Variants in SCML2 observed in about 807,000 individuals in gnomAD.
SCML2 encodes sex comb on midleg-like protein 2.
Under a neutral mutation model 48.4 loss-of-function variants are expected in SCML2, and 6 were observed. The observed-to-expected ratio is 0.12, with a 90% CI of 0.07 to 0.24. SCML2 has a LOEUF of 0.24. Ranked by LOEUF, SCML2 falls within the 10% of genes least tolerant of loss-of-function variation. The pLI is 1.00. For synonymous variants in SCML2, 181 were observed against 189.5 expected, an observed-to-expected ratio of 0.95 and a Z score of 0.37; for missense variants, 377 against 528.2, an observed-to-expected ratio of 0.71 and a Z score of 2.81.
Position 18,246,678 on chromosome X carries a change from GA to G in SCML2, c.1720del (p.Ser574LeufsTer12). The G allele has an allele frequency of 8.3e-7, 1 of 1,210,459 alleles. No individual in the cohort carries two copies. Among genetic ancestry groups the G allele is most frequent in the Non-Finnish European group, 1.1e-6 (1 of 894,427 alleles). ...YIHTSVSQDF[S>X]RSVPGTTSSP... is the part of the protein sequence containing the mutation. Reference sequence around the variant, plus strand: ...ACTTGTGGTGCCTGGCACACTTCGAGAAAAATCCTGGGAGACTGAAGTATGA... The same window carrying G: ...ACTTGTGGTGCCTGGCACACTTCGAGAAAATCCTGGGAGACTGAAGTATGA... On this transcript the variant is annotated frameshift_variant, in exon 13 of 15. Transcript: ENST00000251900. LOFTEE classifies it high-confidence loss of function.
chrX:18,352,247 G>A (rs1930399900), intron 1 of SCML2, among the ~76,000 whole-genome samples: 1 of 112,265 alleles, frequency 8.9e-6, no homozygotes, highest in African/African-American at 3.2e-5. Context: ...AAACTACTTA[G>A]TAATAGAAAT....
intron 6 of SCML2, among the ~76,000 whole-genome samples, chrX:18,317,604 G>A (rs1177820248): frequency 1.8e-5 from 2 of 111,020 alleles, no homozygotes; most frequent in African/African-American, 3.3e-5. Context: ...AGGCCGAGGC[G>A]GGCGGATCAC....
chrX:18,318,932 A>G (rs759312676), intron 6 of SCML2, among the ~76,000 whole-genome samples: 1 of 112,183 alleles, frequency 8.9e-6, no homozygotes, highest in South Asian at 3.7e-4. Context: ...ATTTGGACAC[A>G]GGGTCTTCAA....
At chrX:18,346,608 T>C (rs1232849098) in intron 1 of SCML2, among the ~76,000 whole-genome samples, 1 of 112,320 alleles carries the variant, frequency 8.9e-6, no homozygotes, top group Non-Finnish European at 1.9e-5. Flanking sequence ...ATAGCACAGG[T>C]AGAAAGGGTT....
At chrX:18,281,850 G>A (rs181795970) in intron 7 of SCML2, among the ~76,000 whole-genome samples, 33 of 110,422 alleles carry the variant, frequency 3.0e-4, no homozygotes, top group Admixed American at 2.9e-3. Context: ...TAGGCTGGGC[G>A]CTGTGGCTCA....
intron 7 of SCML2, among the ~76,000 whole-genome samples, chrX:18,297,734 T>A (rs1281158038): frequency 9.0e-6 from 1 of 111,338 alleles, no homozygotes; most frequent in Admixed American, 9.5e-5. Flanking sequence ...ACACCTGTAA[T>A]CCCAACACTT....
chrX:18,258,253 G>GA lies in SCML2; in HGVS notation c.1070-7dup, dbSNP rs758394327. 8.4e-7 allele frequency: 1 copy of GA among 1,189,145 alleles called. No homozygotes were observed. The highest frequency in any genetic ancestry group is 1.1e-6 in the Non-Finnish European group (1 of 877,593). Reference sequence around the variant, plus strand: ...TTTGTTTACATAGACACAGACTTGAGAAAAAATGCGTATGCATACATAACA... The same window carrying GA: ...TTTGTTTACATAGACACAGACTTGAGAAAAAAATGCGTATGCATACATAACA... On this transcript the variant is annotated splice_region_variant and splice_polypyrimidine_tract_variant and intron_variant, in intron 9 of 14. Transcript: ENST00000251900.
chrX:18,339,380 A>C (rs1374686064), intron 1 of SCML2, among the ~76,000 whole-genome samples: 2 of 112,062 alleles, frequency 1.8e-5, no homozygotes, highest in Non-Finnish European at 3.8e-5. Context: ...ATTATTCATT[A>C]ATATATTATT....
At chrX:18,251,544 C>T (rs941712595) in intron 11 of SCML2, among the ~76,000 whole-genome samples, 5 of 111,460 alleles carry the variant, frequency 4.5e-5, no homozygotes, top group African/African-American at 1.6e-4. Flanking sequence ...AAAAGATGCT[C>T]ATCATCAACT....
At chrX:18,353,739 C>T (rs1930445086) in intron 1 of SCML2, among the ~76,000 whole-genome samples, 1 of 112,646 alleles carries the variant, frequency 8.9e-6, no homozygotes, top group African/African-American at 3.2e-5. Context: ...AGCCGAATTA[C>T]AAGTCGGCCC....
chrX:18,336,061 T>C (rs1929800965), intron 1 of SCML2, among the ~76,000 whole-genome samples: 1 of 111,743 alleles, frequency 8.9e-6, no homozygotes, highest in African/African-American at 3.3e-5. Context: ...GGCTAGGCAG[T>C]CCGGAAATAG....
chrX:18,353,639 G>A (rs1270382621), intron 1 of SCML2, among the ~76,000 whole-genome samples: 1 of 112,739 alleles, frequency 8.9e-6, no homozygotes, highest in Non-Finnish European at 1.9e-5. Flanking sequence ...CTTGACAAAT[G>A]TTTAACAACC....
intron 7 of SCML2, among the ~76,000 whole-genome samples, chrX:18,291,758 T>C (rs190910989): frequency 4.6e-4 from 51 of 111,641 alleles, no homozygotes; most frequent in African/African-American, 1.6e-3. Flanking sequence ...AAAAAAAGAA[T>C]AGAAACATTC....
chrX:18,330,339 T>C (rs1929614334), intron 3 of SCML2, among the ~76,000 whole-genome samples: 1 of 112,189 alleles, frequency 8.9e-6, no homozygotes, highest in Non-Finnish European at 1.9e-5. Flanking sequence ...ACCTATAATT[T>C]AGGAAAATTT....
intron 9 of SCML2, 146 bp from the exon 10 acceptor site, chrX:18,258,393 C>T: frequency 4.8e-6 from 2 of 412,725 alleles, no homozygotes; most frequent in Non-Finnish European, 8.2e-6. Context: ...ATCATTTCTG[C>T]TACCTAAAAA....
intron 9 of SCML2, 35 bp from the exon 10 acceptor site, chrX:18,258,282 A>G (rs200801886): frequency 3.2e-4 from 348 of 1,086,318 alleles, no homozygotes; most frequent in Admixed American, 1.4e-3. Flanking sequence ...CATAACAATG[A>G]GACTGATTAA....
chrX:18,269,731 A>G (rs2045802382), intron 7 of SCML2, among the ~76,000 whole-genome samples: 1 of 111,487 alleles, frequency 9.0e-6, no homozygotes, highest in African/African-American at 3.3e-5. Flanking sequence ...GAGGTCCTCA[A>G]AAAATACTGA....
At chrX:18,250,203 T>C (rs749791135) in intron 11 of SCML2, among the ~76,000 whole-genome samples, 1 of 111,034 alleles carries the variant, frequency 9.0e-6, no homozygotes, top group East Asian at 2.8e-4. Context: ...GCCCAGACAC[T>C]GGACTTACTA....
intron 1 of SCML2, among the ~76,000 whole-genome samples, chrX:18,348,791 G>A (rs1930281204): frequency 1.8e-5 from 2 of 111,149 alleles, no homozygotes; most frequent in African/African-American, 6.5e-5. Context: ...CATAGCAAAG[G>A]GCACATGTTT....
Sources: allele counts gnomAD v4.1 joint callset (sites outside exome capture counted in the v4.1 genomes callset), GRCh38; gene constraint gnomAD v4.1.1; transcripts MANE v1.5; gene names NCBI Gene and HGNC (gene_info 2026-07-23, HGNC 2026-07-21).